The following SHTN1 variants were observed in gnomAD, a reference collection of about 807,000 sequenced individuals.
SHTN1 encodes the protein shootin-1.
Under a neutral mutation model 83.1 loss-of-function variants are expected in SHTN1, and 42 were observed. That is an observed-to-expected ratio of 0.51 (90% confidence interval 0.39 to 0.65). SHTN1 has a LOEUF of 0.65. SHTN1 is among the 30% of genes least tolerant of loss of function. The pLI is 0.00. For synonymous variants in SHTN1, 224 were observed against 247.7 expected (o/e 0.90, Z 0.90); for missense variants, 622 against 737.8 (o/e 0.84, Z 1.82).
intron 1 of SHTN1, among the ~76,000 whole-genome samples, chr10:117,103,530 C>CTTTTTTTTTTTTTTTT (rs35229163): frequency 1.0e-4 from 8 of 77,502 alleles, no homozygotes; most frequent in African/African-American, 3.4e-4. Context: ...CCTCCCCTCT[C>CTTTTTTTTTTTTTTTT]TTTTTTTTTT....
intron 1 of SHTN1, among the ~76,000 whole-genome samples, chr10:117,103,392 C>T (rs529384935): frequency 1.8e-4 from 28 of 151,790 alleles, no homozygotes; most frequent in Non-Finnish European, 3.5e-4. Flanking sequence ...CACCCAGCCT[C>T]GTTGTTCATT....
At chr10:116,910,306 C>T (rs1848138750) in intron 14 of SHTN1, among the ~76,000 whole-genome samples, 1 of 152,178 alleles carries the variant, frequency 6.6e-6, no homozygotes, top group East Asian at 1.9e-4. Flanking sequence ...TAGTGATACA[C>T]TAATGCCAGG....
At chr10:117,047,301 G>A (rs1339078014) in intron 2 of SHTN1, among the ~76,000 whole-genome samples, 3 of 151,884 alleles carry the variant, frequency 2.0e-5, no homozygotes, top group East Asian at 3.9e-4. Flanking sequence ...TCCTGACCTC[G>A]TGATCCACCC....
rs117610309 is a variant in SHTN1 at position 116,990,911 on chromosome 10, G to A, written c.59-11603C>T. 3.3e-3 allele frequency among the ~76,000 whole-genome samples: 500 copies of A among 152,052 alleles called. 25 individuals are homozygous for A. The East Asian group carries it at 0.079, about 24-fold the overall frequency. On this transcript the variant is annotated intron_variant, in intron 1 of 16. Transcript: ENST00000355371. ...TAAAGGGCTTCTTGGTTTTGGCCGG[G>A]CGCAGTGGCTCACACCTGCAATCTC...
chr10:117,031,305 AG>A (rs1381465164), intron 2 of SHTN1, among the ~76,000 whole-genome samples: 2 of 152,190 alleles, frequency 1.3e-5, no homozygotes, highest in Non-Finnish European at 2.9e-5. Flanking sequence ...GACAAACAAA[AG>A]CTGAGGGATT....
chr10:116,890,474 T>C (rs2133301926), intron 16 of SHTN1, among the ~76,000 whole-genome samples: 1 of 152,308 alleles, frequency 6.6e-6, no homozygotes, highest in South Asian at 2.1e-4. Flanking sequence ...GGAATCCTGA[T>C]TTCCTGTCCA....
intron 1 of SHTN1, among the ~76,000 whole-genome samples, chr10:117,054,517 T>C (rs988363691): frequency 1.3e-5 from 2 of 151,592 alleles, no homozygotes; most frequent in African/African-American, 4.8e-5. Context: ...GCCATTCTCC[T>C]GCCTCAGCCT....
intron 1 of SHTN1, among the ~76,000 whole-genome samples, chr10:117,058,890 C>G (rs1852862377): frequency 6.6e-6 from 1 of 151,996 alleles, no homozygotes; most frequent in South Asian, 2.1e-4. Flanking sequence ...AAGCCAGTCA[C>G]AAAACAAAAA....
intron 16 of SHTN1, chr10:116,900,874 G>A (rs1402209805): frequency 1.0e-6 from 1 of 985,152 alleles, no homozygotes. Context: ...AAAGTTAATA[G>A]TAGCAATGAG....
rs376417669 is a variant in SHTN1 at position 116,954,000 on chromosome 10, C to T, written c.436+42G>A. On this transcript the variant is annotated intron_variant, in intron 5 of 16. Transcript: ENST00000355371. ...TCAGGGTTCAGAAGCACTATCATAA[C>T]GGGGTAAAAAATATGCTCAATAATT... 86 of 1,518,650 alleles carry T rather than the reference C, an allele frequency of 5.7e-5. No homozygotes were observed. The African/African-American group carries it at 7.5e-4, about 13-fold the overall frequency. 94.1% of individuals were successfully genotyped at this position (1,518,650 alleles called of 1,614,324 possible).
chr10:116,924,939 G>C (rs542083421), intron 11 of SHTN1, among the ~76,000 whole-genome samples: 5 of 151,824 alleles, frequency 3.3e-5, no homozygotes, highest in African/African-American at 1.2e-4. Context: ...TGTATTTTTA[G>C]TAGAGACGGG....
intron 2 of SHTN1, among the ~76,000 whole-genome samples, chr10:117,035,772 C>T (rs536029265): frequency 1.3e-5 from 2 of 151,180 alleles, no homozygotes; most frequent in African/African-American, 2.4e-5. Flanking sequence ...ATGGAGAAAC[C>T]CCGTCTCTAC....
At chr10:116,991,148 T>C (rs1851420543) in intron 1 of SHTN1, among the ~76,000 whole-genome samples, 1 of 151,830 alleles carries the variant, frequency 6.6e-6, no homozygotes, top group South Asian at 2.1e-4. Flanking sequence ...ATTATGCCAC[T>C]GCACTCCAGC....
At chr10:117,049,382 A>C (rs181404547) in intron 1 of SHTN1, among the ~76,000 whole-genome samples, 17 of 152,288 alleles carry the variant, frequency 1.1e-4, no homozygotes, top group Admixed American at 2.6e-4. Context: ...ACAACAACAA[A>C]AAAAACAAAA....
chr10:117,090,314 G>A (rs1437699175), intron 1 of SHTN1, among the ~76,000 whole-genome samples: 1 of 152,134 alleles, frequency 6.6e-6, no homozygotes, highest in Non-Finnish European at 1.5e-5. Context: ...GTCACAAAAG[G>A]ACAGATACTG....
chr10:117,044,418 G>GA (rs906404403), intron 2 of SHTN1, among the ~76,000 whole-genome samples: 31 of 151,574 alleles, frequency 2.0e-4, no homozygotes, highest in Middle Eastern at 6.9e-3. Context: ...ATAACTATTG[G>GA]AAAAAAAAGG....
At chr10:117,112,058 C>T (rs1029140179) in intron 1 of SHTN1, among the ~76,000 whole-genome samples, 2 of 152,108 alleles carry the variant, frequency 1.3e-5, no homozygotes, top group Admixed American at 6.5e-5. Flanking sequence ...CTCTGCCTCC[C>T]GGATTCAAGC....
chr10:117,025,324 T>C (rs1852316197), intron 2 of SHTN1, among the ~76,000 whole-genome samples: 1 of 152,132 alleles, frequency 6.6e-6, no homozygotes, highest in Non-Finnish European at 1.5e-5. Flanking sequence ...CAGCTGATGC[T>C]CACCCATGGA....
chr10:117,102,939 C>A (rs926380898), intron 1 of SHTN1, among the ~76,000 whole-genome samples: 1 of 152,266 alleles, frequency 6.6e-6, no homozygotes, highest in South Asian at 2.1e-4. Flanking sequence ...GACACGAGTG[C>A]TCCACAAATC....
Sources: gnomAD v4.1 joint callset for allele counts (sites outside exome capture counted in the v4.1 genomes callset) on GRCh38, gnomAD v4.1.1 for gene constraint, MANE v1.5 for transcripts, NCBI Gene and HGNC (gene_info 2026-07-23, HGNC 2026-07-21) for gene names.